Variants in FLNB observed in about 807,000 individuals in gnomAD.
FLNB encodes the protein filamin B.
FLNB carries 111 observed loss-of-function variants against 250.6 expected under a neutral mutation model. The ratio of observed to expected loss-of-function variants is 0.44; its 90% CI spans 0.38 to 0.52. The LOEUF (loss-of-function observed/expected upper bound fraction) is 0.52, where lower values mean the gene tolerates loss of function less well. Among genes scored for constraint, FLNB ranks in the 20% least tolerant of loss-of-function variants. The pLI is 0.00. For missense variants in FLNB, 2,869 were observed against 3,447.8 expected (o/e 0.83, Z 4.20); for synonymous variants, 1,302 against 1,372.1 (o/e 0.95, Z 1.13).
intron 1 of FLNB, among the ~76,000 whole-genome samples, chr3:58,025,912 C>G (rs904763224): frequency 6.6e-6 from 1 of 152,188 alleles, no homozygotes; most frequent in Non-Finnish European, 1.5e-5. Context: ...ATCAACAGAG[C>G]GAGATTGTCT....
Position 58,110,506 on chromosome 3 carries a change from A to C in FLNB, c.2484+336A>C, listed in dbSNP as rs540892752. ...GCTCTTGTTGCCCAAGCTGGAGTGC[A>C]ATGGCATGATCTTGGCTCACTGCAA... On this transcript the variant is annotated intron_variant, in intron 16 of 45. Transcript: ENST00000295956. Among the ~76,000 whole-genome samples, 412 of 151,360 alleles carry C rather than the reference A, an allele frequency of 2.7e-3. 1 individual carries two copies. Among genetic ancestry groups the C allele is most frequent in the African/African-American group, 9.2e-3 (380 of 41,208 alleles).
chr3:58,121,648 G>A, intron 20 of FLNB, 145 bp downstream of exon 20: 1 of 1,028,958 alleles, frequency 9.7e-7, no homozygotes, highest in South Asian at 1.4e-5. Flanking sequence ...GGTCCCCTGG[G>A]TAGGTGGGTC....
chr3:58,150,318 A>G (rs2107277211), intron 38 of FLNB, 91 bp downstream of exon 38: 2 of 1,430,318 alleles, frequency 1.4e-6, no homozygotes, highest in Non-Finnish European at 2.0e-6. Flanking sequence ...GGCATGGCCC[A>G]GAACACAGTA....
chr3:58,162,900 TC>T (rs1328735930), intron 42 of FLNB: 1 of 500,242 alleles, frequency 2.0e-6, no homozygotes, highest in Non-Finnish European at 3.6e-6. Flanking sequence ...AAGGAAGTGT[TC>T]TTCTGAGGCA....
chr3:58,026,342 C>G (rs565153630), intron 1 of FLNB, among the ~76,000 whole-genome samples: 1 of 152,270 alleles, frequency 6.6e-6, no homozygotes, highest in Admixed American at 6.5e-5. Context: ...CAGCACTTTC[C>G]CTCCTAGCTC....
In FLNB at chr3:58,069,232, C is replaced by CTT. The variant is rs59689498; in HGVS notation, c.293-7792_293-7791dup. ...CTGATAAAATATCAGTAGTTCAATT[C>CTT]TTTTTTTTTTTTTTTTTTTTTTTCT... On this transcript the variant is annotated intron_variant, in intron 1 of 45. Coordinates refer to ENST00000295956, the MANE Select transcript of FLNB (RefSeq NM_001457.4). 5.5e-3 allele frequency among the ~76,000 whole-genome samples: 474 copies of CTT among 86,320 alleles called. 13 individuals carry two copies. The highest frequency in any genetic ancestry group is 9.0e-3 in the African/African-American group (179 of 19,924). 56.6% of individuals were successfully genotyped at this position (86,320 alleles called of 152,430 possible).
intron 4 of FLNB, among the ~76,000 whole-genome samples, chr3:58,091,242 C>G (rs553391943): frequency 3.2e-4 from 48 of 152,188 alleles, no homozygotes; most frequent in African/African-American, 1.1e-3. Context: ...GTAGCAAAAA[C>G]AATTTTGAGA....
intron 1 of FLNB, among the ~76,000 whole-genome samples, chr3:58,073,963 A>G (rs958804896): frequency 6.6e-6 from 1 of 152,190 alleles, no homozygotes; most frequent in Non-Finnish European, 1.5e-5. Context: ...CAGCAAGAGA[A>G]TCTGTCTCCT....
At chr3:58,110,874 T>A (rs2097267459) in intron 16 of FLNB, among the ~76,000 whole-genome samples, 1 of 152,194 alleles carries the variant, frequency 6.6e-6, no homozygotes, top group Non-Finnish European at 1.5e-5. Context: ...TTTGGCCTCC[T>A]TTTTGGTGTT....
At chr3:58,044,890 G>A (rs2097151397) in intron 1 of FLNB, among the ~76,000 whole-genome samples, 1 of 152,198 alleles carries the variant, frequency 6.6e-6, no homozygotes, top group Non-Finnish European at 1.5e-5. Context: ...ACTCGAGGAT[G>A]GCTTTGACTG....
intron 19 of FLNB, among the ~76,000 whole-genome samples, chr3:58,120,986 T>A (rs1236847728): frequency 6.6e-6 from 1 of 152,244 alleles, no homozygotes; most frequent in Non-Finnish European, 1.5e-5. Context: ...GCTTGGCATA[T>A]AAAATGCATT....
intron 1 of FLNB, among the ~76,000 whole-genome samples, chr3:58,058,104 T>A (rs9824706): frequency 0.058 from 8,791 of 152,286 alleles, 812 homozygotes; most frequent in African/African-American, 0.2. Flanking sequence ...AGTGGATTTT[T>A]TTAGCACTCA....
At position 58,112,244 on chromosome 3, in the gene FLNB, G is replaced by A. The variant is rs753174160; in HGVS notation, c.2671G>A (p.Asp891Asn). Residue 891 changes from aspartate (D) to asparagine (N), a missense_variant, in exon 18 of 46, where the codon GAT becomes AAT. Physicochemically the swap from Asp to Asn is conservative, Grantham distance 23. This residue lies in a region of FLNB where 1,348 missense variants were observed against 1,466.7 expected (regional missense o/e 0.92). Coordinates refer to ENST00000295956, the MANE Select transcript of FLNB (RefSeq NM_001457.4). ...NVQFNSPLPG[D>N]AVKDLDIIDN... The stretch of plus-strand genomic sequence containing the variant: ...GCAGTTCAACAGCCCTCTTCCTGGC[G>A]ATGCAGTGAAGGATTTGGATATCAT... 2.2e-5 allele frequency: 35 copies of A among 1,614,098 alleles called. No homozygotes were observed. The East Asian group carries it at 5.6e-4, about 26-fold the overall frequency.
rs1252703485 is a variant in FLNB, at chr3:58,149,926, C to T, written c.6168C>T (p.Thr2056=). 6 of 1,614,126 alleles carry T rather than the reference C, an allele frequency of 3.7e-6. No homozygotes were observed. The highest frequency in any genetic ancestry group is 1.3e-5 in the African/African-American group (1 of 74,938). The change falls in exon 37 of 46, where the codon ACC becomes ACT. Residue 2056 remains threonine, a synonymous_variant. Transcript: ENST00000295956. ...DIQTEDLEDG[T]CKVSYFPTVP... ...AGACGGAGGACCTGGAAGATGGCAC[C>T]TGCAAAGTCTCCTACTTCCCTACCG...
chr3:58,118,800 T>C (rs1183137269), intron 18 of FLNB, 72 bp from the exon 19 acceptor site: 7 of 1,058,032 alleles, frequency 6.6e-6, no homozygotes, highest in Non-Finnish European at 1.0e-5. Flanking sequence ...ATGAGGGATC[T>C]TGAGGGGATT....
chr3:58,136,746 C>CTTTTTTTTTTTTTTTTT (rs57053256), intron 28 of FLNB, among the ~76,000 whole-genome samples: 2 of 79,796 alleles, frequency 2.5e-5, no homozygotes, highest in African/African-American at 5.5e-5. Context: ...ACAGGCCATT[C>CTTTTTTTTTTTTTTTTT]TTTTTTTTTT....
chr3:58,162,006 T>C (rs17058927), intron 42 of FLNB, among the ~76,000 whole-genome samples: 21,176 of 152,120 alleles, frequency 0.14, 1,885 homozygotes, highest in African/African-American at 0.24. Flanking sequence ...TAAGGCTTAG[T>C]GAAGAAGGAT....
intron 40 of FLNB, 127 bp from the exon 41 acceptor site, chr3:58,155,833 C>G (rs2097352525): frequency 1.3e-5 from 9 of 701,876 alleles, no homozygotes. Context: ...GACTCCCACT[C>G]AACCAATCAG....
chr3:58,123,129 G>T lies in FLNB; in HGVS notation c.3163G>T (p.Val1055Leu), dbSNP rs9813235. 2.4e-5 allele frequency: 39 copies of T among 1,614,098 alleles called. No individual in the cohort carries two copies. Among genetic ancestry groups the T allele is most frequent in the African/African-American group, 1.2e-4 (9 of 74,924 alleles). ...CGGTCCCGGCCTCGAAGGTGGTCTCGTGGGCAAGCCTGCCGAGTTCACCAT... is the reference window on the plus strand; with the variant it reads ...CGGTCCCGGCCTCGAAGGTGGTCTCTTGGGCAAGCCTGCCGAGTTCACCAT... ...AHGPGLEGGL[V>L]GKPAEFTIDT... The change falls in exon 21 of 46, where the codon GTG (valine) becomes TTG (leucine). Residue 1055 changes from valine (V) to leucine (L), a missense_variant. By Grantham distance (32) the Val-to-Leu change is conservative. Coordinates refer to ENST00000295956, the MANE Select transcript of FLNB (RefSeq NM_001457.4).
Sources: gnomAD v4.1 joint callset for allele counts (sites outside exome capture counted in the v4.1 genomes callset) on GRCh38, gnomAD v4.1.1 for gene constraint, gnomAD v4.1.1 regional missense constraint, MANE v1.5 for transcripts, NCBI Gene and HGNC (gene_info 2026-07-23, HGNC 2026-07-21) for gene names.